The following BPIFB4 variants were observed in gnomAD, a reference collection of about 807,000 sequenced individuals.
The protein encoded by BPIFB4 is BPI fold containing family B member 4.
In BPIFB4, 62 loss-of-function variants were observed where a neutral mutation model predicts 69.2. The ratio of observed to expected loss-of-function variants is 0.90; its 90% confidence interval spans 0.73 to 1.11. The LOEUF is 1.11. BPIFB4 is among the 50% of genes least tolerant of loss of function. The pLI, the probability that BPIFB4 is intolerant of heterozygous loss-of-function variation, is 0.00. For synonymous variants in BPIFB4, 330 were observed against 332.7 expected, an observed-to-expected ratio of 0.99 and a Z score of 0.09; for missense variants, 789 against 792.0, an observed-to-expected ratio of 1.00 and a Z score of 0.04.
At position 33,101,477 on chromosome 20, in the gene BPIFB4, G is replaced by A. The variant is rs575237359; in HGVS notation, c.1637+984G>A. ...CACTACCTCGTAAGATTCATAAAAAGAATAATTATTATTCATTGGATGCTT... is the reference window on the plus strand; with the variant it reads ...CACTACCTCGTAAGATTCATAAAAAAAATAATTATTATTCATTGGATGCTT... On this transcript the variant is annotated intron_variant, in intron 14 of 17. Transcript: ENST00000375483. 2.2e-4 allele frequency among the ~76,000 whole-genome samples: 34 copies of A among 152,308 alleles called. No individual in the cohort carries two copies. The South Asian group carries it at 7.0e-3, about 32-fold the overall frequency.
At chr20:33,106,976 C>T (rs999992924) in intron 16 of BPIFB4, among the ~76,000 whole-genome samples, 5 of 151,848 alleles carry the variant, frequency 3.3e-5, no homozygotes, top group Admixed American at 2.6e-4. Context: ...GAGGCCAAGG[C>T]GGGTGGAGCA....
rs760402683 is a variant in BPIFB4, at chr20:33,083,576, G to T, written c.379G>T (p.Glu127Ter). Residue 127 changes from glutamate (E) to a stop codon, truncating the protein, a stop_gained, in exon 5 of 18, where the codon GAG becomes TAG. Transcript: ENST00000375483. LOFTEE classifies it high-confidence loss of function. The stretch of plus-strand genomic sequence containing the variant: ...CCGAAACAGTGGCTATCGCAGTGCC[G>T]AGAATGCATATGGAGGCCACAGGGG... ...DLRNSGYRSA[E>*]NAYGGHRGLG... is the part of the protein sequence containing the mutation. The T allele has an allele frequency of 2.5e-6, 4 of 1,614,032 alleles. No individual in the cohort carries two copies. In the African/African-American group the frequency reaches 5.3e-5, roughly 22 times the overall value.
chr20:33,104,925 G>C, intron 16 of BPIFB4, 52 bp downstream of exon 16: 1 of 1,563,498 alleles, frequency 6.4e-7, no homozygotes, highest in Non-Finnish European at 8.8e-7. Flanking sequence ...GGGTACTGGG[G>C]GATACTGGCT....
chr20:33,089,645 C>T, intron 9 of BPIFB4, 87 bp downstream of exon 9: 1 of 1,602,652 alleles, frequency 6.2e-7, no homozygotes, highest in Non-Finnish European at 8.5e-7. Flanking sequence ...GTGGGGGCCA[C>T]AGACCTGCCC....
intron 7 of BPIFB4, among the ~76,000 whole-genome samples, chr20:33,086,457 A>C (rs1346932960): frequency 6.6e-6 from 1 of 152,130 alleles, no homozygotes; most frequent in African/African-American, 2.4e-5. Context: ...AAAGGTTTTG[A>C]TCTGAATGGT....
At chr20:33,095,217 A>T in intron 12 of BPIFB4, 64 bp downstream of exon 12, 1 of 1,498,454 alleles carries the variant, frequency 6.7e-7, no homozygotes, top group African/African-American at 1.4e-5. Flanking sequence ...GAGAAACTGG[A>T]TTGGAAGGGA....
Position 33,090,799 on chromosome 20 carries a change from C to G in BPIFB4, c.1143C>G (p.Asn381Lys), listed in dbSNP as rs542993165. The G allele has an allele frequency of 3.2e-5, 51 of 1,614,006 alleles. No homozygotes were observed. Among genetic ancestry groups the G allele is most frequent in the Non-Finnish European group, 4.2e-5 (49 of 1,180,024 alleles). The change falls in exon 10 of 18, where the codon AAC (asparagine) becomes AAG (lysine). Residue 381 changes from asparagine (N) to lysine (K), a missense_variant and splice_region_variant. This residue lies in a region of BPIFB4 where 611 missense variants were observed against 575.4 expected (regional missense o/e 1.06). Coordinates refer to ENST00000375483, the MANE Select transcript of BPIFB4 (RefSeq NM_182519.3). ...VTGEFLELDL[N>K]TLVGEAGGGL... The stretch of plus-strand genomic sequence containing the variant: ...GGGAATTCCTGGAGCTGGACCTCAA[C>G]GTGAGTGCCTGGGGTTCAGGGCAAA...
Position 33,095,856 on chromosome 20 carries a change from T to C in BPIFB4, c.1398+703T>C, listed in dbSNP as rs138659719. On this transcript the variant is annotated intron_variant, in intron 12 of 17. Coordinates refer to ENST00000375483, the MANE Select transcript of BPIFB4 (RefSeq NM_182519.3). ...AAAAGCAAGTGTGCTTTTGTCCAAT[T>C]AGTGACCATATAGAGTTGGAACAAA... Among the ~76,000 whole-genome samples, 802 of 152,268 alleles carry C rather than the reference T, an allele frequency of 5.3e-3. 7 individuals are homozygous for C. The highest frequency in any genetic ancestry group is 0.018 in the African/African-American group (752 of 41,540).
intron 15 of BPIFB4, among the ~76,000 whole-genome samples, chr20:33,104,514 C>T (rs1981989767): frequency 6.6e-6 from 1 of 152,218 alleles, no homozygotes; most frequent in Non-Finnish European, 1.5e-5. Context: ...GAAACCTGTG[C>T]TCTGTGCCTC....
chr20:33,080,812 TG>T (rs1981205744), intron 2 of BPIFB4, among the ~76,000 whole-genome samples: 1 of 152,078 alleles, frequency 6.6e-6, no homozygotes, highest in Non-Finnish European at 1.5e-5. Context: ...GATAGATGGA[TG>T]GGCAGGAGGA....
intron 17 of BPIFB4, 27 bp downstream of exon 17, chr20:33,107,847 C>T (rs1050598146): frequency 6.3e-7 from 1 of 1,586,102 alleles, no homozygotes; most frequent in Non-Finnish European, 8.7e-7. Context: ...CTCCATTCTG[C>T]TTTTCCTCCC....
At chr20:33,092,102 T>C (rs971605944) in intron 10 of BPIFB4, among the ~76,000 whole-genome samples, 18 of 152,114 alleles carry the variant, frequency 1.2e-4, no homozygotes, top group African/African-American at 3.9e-4. Flanking sequence ...AGAGGTCTCC[T>C]GGAGCAGATC....
In BPIFB4 at chr20:33,081,826, C is replaced by T. The variant is rs540053679; in HGVS notation, c.106+194C>T. Among the ~76,000 whole-genome samples, 109 of 152,326 alleles carry T rather than the reference C, an allele frequency of 7.2e-4. 1 individual carries two copies. The highest frequency in any genetic ancestry group is 1.8e-3 in the African/African-American group (75 of 41,566). On this transcript the variant is annotated intron_variant, in intron 3 of 17. Coordinates refer to ENST00000375483, the MANE Select transcript of BPIFB4 (RefSeq NM_182519.3). ...CTGAGCACCTACTATGTGCCAAGCACCATACTGGTGACTTTATGCTCATTC... is the reference window on the plus strand; with the variant it reads ...CTGAGCACCTACTATGTGCCAAGCATCATACTGGTGACTTTATGCTCATTC...
chr20:33,087,886 A>C lies in BPIFB4; in HGVS notation c.927-1080A>C, dbSNP rs116520751. 5.8e-3 allele frequency among the ~76,000 whole-genome samples: 890 copies of C among 152,242 alleles called. 10 individuals are homozygous for C. The highest frequency in any genetic ancestry group is 0.02 in the African/African-American group (842 of 41,546). On this transcript the variant is annotated intron_variant, in intron 7 of 17. Coordinates refer to ENST00000375483, the MANE Select transcript of BPIFB4 (RefSeq NM_182519.3). ...GAAATGCATAGTTAGCTTTGGGAGA[A>C]ATGTTCTAATTAGGGCTTTATTTCA...
At chr20:33,087,286 A>G (rs1981458787) in intron 7 of BPIFB4, among the ~76,000 whole-genome samples, 1 of 152,192 alleles carries the variant, frequency 6.6e-6, no homozygotes, top group African/African-American at 2.4e-5. Flanking sequence ...CACCAAGCTC[A>G]CCAGTTATTC....
Position 33,103,898 on chromosome 20 carries a change from A to G in BPIFB4, c.1680+884A>G, listed in dbSNP as rs575641696. Among the ~76,000 whole-genome samples the G allele has an allele frequency of 3.3e-4, 50 of 152,356 alleles. No individual in the cohort carries two copies. In the Middle Eastern group the frequency reaches 0.01, roughly 31 times the overall value. Reference sequence around the variant, plus strand: ...GGACTCCAAGTGAAGAAAGGGGCTGACAGTGTAAAATTAATGAATTAATGA... The same window carrying G: ...GGACTCCAAGTGAAGAAAGGGGCTGGCAGTGTAAAATTAATGAATTAATGA... On this transcript the variant is annotated intron_variant, in intron 15 of 17. Coordinates refer to ENST00000375483, the MANE Select transcript of BPIFB4 (RefSeq NM_182519.3).
At chr20:33,090,853 A>G in intron 10 of BPIFB4, 54 bp downstream of exon 10, 1 of 1,602,540 alleles carries the variant, frequency 6.2e-7, no homozygotes, top group South Asian at 1.1e-5. Context: ...CAAAGGCAGG[A>G]GTATCAGTGA....
chr20:33,086,712 A>G (rs1005509651), intron 7 of BPIFB4, among the ~76,000 whole-genome samples: 1 of 152,188 alleles, frequency 6.6e-6, no homozygotes, highest in Non-Finnish European at 1.5e-5. Context: ...GGCATTCCCC[A>G]CTTGGTTCTG....
chr20:33,089,735 C>CCA (rs1555882858), intron 9 of BPIFB4, among the ~76,000 whole-genome samples, 177 bp downstream of exon 9: 2 of 152,134 alleles, frequency 1.3e-5, no homozygotes, highest in Admixed American at 6.5e-5. Context: ...AAACACCCCC[C>CCA]CCGAGTACCA....
Sources: gnomAD v4.1 joint callset for allele counts (sites outside exome capture counted in the v4.1 genomes callset) on GRCh38, gnomAD v4.1.1 for gene constraint, gnomAD v4.1.1 regional missense constraint, MANE v1.5 for transcripts, NCBI Gene and HGNC (gene_info 2026-07-23, HGNC 2026-07-21) for gene names.